The following BFAR variants were observed in gnomAD, a reference collection of about 807,000 sequenced individuals.
BFAR encodes RING finger protein 47.
BFAR carries 52 observed loss-of-function variants against 54.4 expected under a neutral mutation model. The observed-to-expected ratio is 0.96, with a 90% CI of 0.77 to 1.21. The LOEUF is 1.21. Among genes scored for constraint, BFAR ranks in the 50% most tolerant of loss-of-function variants. The probability of loss-of-function intolerance (pLI) is 0.00; values close to 1 mark genes in which losing one functional copy is unlikely to be tolerated. For synonymous variants in BFAR, 215 were observed against 204.3 expected, an observed-to-expected ratio of 1.05 and a Z score of -0.45; for missense variants, 571 against 534.0, an observed-to-expected ratio of 1.07 and a Z score of -0.68.
intron 2 of BFAR, 95 bp downstream of exon 2, chr16:14,644,704 G>A (rs1959737497): frequency 7.8e-6 from 11 of 1,406,742 alleles, no homozygotes; most frequent in East Asian, 2.3e-5. Context: ...ATGGCGTCTC[G>A]CTATGTTGCC....
At chr16:14,641,931 C>G (rs1254708590) in intron 1 of BFAR, among the ~76,000 whole-genome samples, 1 of 152,230 alleles carries the variant, frequency 6.6e-6, no homozygotes, top group Non-Finnish European at 1.5e-5. Flanking sequence ...AGGCTCTGTA[C>G]TAGGCACTTG....
chr16:14,643,485 G>A (rs1012561431), intron 1 of BFAR, among the ~76,000 whole-genome samples: 1 of 152,106 alleles, frequency 6.6e-6, no homozygotes, highest in Non-Finnish European at 1.5e-5. Context: ...TAACAAATAG[G>A]CCAGAAAGAA....
At position 14,655,223 on chromosome 16, in the gene BFAR, ATTTTT is replaced by A; in HGVS notation, c.783+27_783+31del. The A allele has an allele frequency of 8.5e-7, 1 of 1,174,668 alleles. No individual in the cohort carries two copies. 72.8% of individuals were successfully genotyped at this position (1,174,668 alleles called of 1,614,324 possible). A position where few individuals can be genotyped will look rare whatever the true frequency, so the allele number is the denominator to read the frequency against. ...CTGGGAATATAAGGTGAACACTTTA[ATTTTT>A]TTTTTTTTTTTTTACTTTTTATTTT... On this transcript the variant is annotated intron_variant, in intron 5 of 7. Transcript: ENST00000261658.
Position 14,637,079 on chromosome 16 carries a change from A to G in BFAR, c.-74+4061A>G, listed in dbSNP as rs1431443841. ...TCTCTTTCTATACAGACACAGTAACAATCTGATCTCTCTTTCTTTTCCCCC... is the reference window on the plus strand; with the variant it reads ...TCTCTTTCTATACAGACACAGTAACGATCTGATCTCTCTTTCTTTTCCCCC... On this transcript the variant is annotated intron_variant, in intron 1 of 7. Transcript: ENST00000261658. Among the ~76,000 whole-genome samples, 8 of 152,106 alleles carry G rather than the reference A, an allele frequency of 5.3e-5. No homozygotes were observed. In the East Asian group the frequency reaches 1.4e-3, roughly 26 times the overall value.
chr16:14,660,309 G>A (rs1786792248), intron 5 of BFAR, among the ~76,000 whole-genome samples: 1 of 152,054 alleles, frequency 6.6e-6, no homozygotes, highest in Non-Finnish European at 1.5e-5. Flanking sequence ...TTTTTGAGAT[G>A]GAGTTTTGCC....
At chr16:14,650,165 T>TA in intron 4 of BFAR, 192 bp downstream of exon 4, 6 of 464,012 alleles carry the variant, frequency 1.3e-5, no homozygotes, top group South Asian at 7.8e-5. Flanking sequence ...CTACTAAAAA[T>TA]ACAAAAAAAA....
At chr16:14,647,248 T>C (rs1169705711) in intron 2 of BFAR, among the ~76,000 whole-genome samples, 1 of 151,606 alleles carries the variant, frequency 6.6e-6, no homozygotes, top group African/African-American at 2.4e-5. Flanking sequence ...CCACACCCGG[T>C]TGATTTTTGT....
intron 5 of BFAR, among the ~76,000 whole-genome samples, chr16:14,659,248 T>C (rs183646745): frequency 6.7e-6 from 1 of 148,868 alleles, no homozygotes; most frequent in Non-Finnish European, 1.5e-5. Context: ...TTTTTTGTTT[T>C]TTGTTTTTTT....
At chr16:14,657,917 C>T (rs555030726) in intron 5 of BFAR, among the ~76,000 whole-genome samples, 1 of 152,216 alleles carries the variant, frequency 6.6e-6, no homozygotes, top group African/African-American at 2.4e-5. Context: ...GAAATGGAGT[C>T]TCACCATGTT....
chr16:14,662,501 A>G (rs1158092164), intron 6 of BFAR, among the ~76,000 whole-genome samples: 1 of 151,936 alleles, frequency 6.6e-6, no homozygotes, highest in Non-Finnish European at 1.5e-5. Context: ...CTGTGCAGAG[A>G]CCCTGACCTT....
In BFAR at chr16:14,667,606, C is replaced by T. The variant is rs767704808; in HGVS notation, c.1161-29C>T. On this transcript the variant is annotated intron_variant, in intron 7 of 7. Coordinates refer to ENST00000261658, the MANE Select transcript of BFAR (RefSeq NM_016561.3). The stretch of plus-strand genomic sequence containing the variant: ...TGGGTGTGGTCATGAGAAGCGCCTC[C>T]GATTCAGCCTCTTCTCTTCTTGTTT... 5.3e-5 allele frequency: 84 copies of T among 1,596,850 alleles called. No individual in the cohort carries two copies. In the Admixed American group the frequency reaches 5.3e-4, roughly 10 times the overall value.
rs1170179794 is a variant in BFAR at position 14,655,206 on chromosome 16, A to G, written c.779A>G (p.Tyr260Cys). 1.4e-6 allele frequency: 2 copies of G among 1,468,644 alleles called. No homozygotes were observed. Among genetic ancestry groups the G allele is most frequent in the South Asian group, 3.1e-5 (2 of 64,550 alleles). The allele number at this position is 1,468,644 out of a possible 1,614,324, so 91.0% of individuals were successfully genotyped here. A position where few individuals can be genotyped will look rare whatever the true frequency, so the allele number is the denominator to read the frequency against. The change falls in exon 5 of 8, where the codon TAT becomes TGT. Residue 260 changes from tyrosine to cysteine, a missense_variant. Coordinates refer to ENST00000261658, the MANE Select transcript of BFAR (RefSeq NM_016561.3). ...GVKPPQNLWE[Y>C]KAVNPGRSLF... ...AAGCCCCCCCAGAATCTCTGGGAAT[A>G]TAAGGTGAACACTTTAATTTTTTTT... is the stretch of plus-strand genomic sequence containing the variant.
intron 7 of BFAR, among the ~76,000 whole-genome samples, chr16:14,666,892 C>T (rs1200926462): frequency 2.6e-5 from 4 of 152,150 alleles, no homozygotes; most frequent in Non-Finnish European, 4.4e-5. Flanking sequence ...TGAGGCCCTA[C>T]AGCCTAGCAA....
intron 2 of BFAR, among the ~76,000 whole-genome samples, chr16:14,647,100 T>C (rs1959818903): frequency 6.6e-6 from 1 of 151,070 alleles, no homozygotes; most frequent in African/African-American, 2.4e-5. Flanking sequence ...AATACTCTTT[T>C]TTGAGACAGA....
intron 6 of BFAR, among the ~76,000 whole-genome samples, chr16:14,662,340 T>C (rs1442069770): frequency 6.6e-6 from 1 of 152,134 alleles, no homozygotes; most frequent in Non-Finnish European, 1.5e-5. Flanking sequence ...GAGATCCTTT[T>C]TTTCCCCCAA....
Position 14,667,945 on chromosome 16 carries a change from G to T in BFAR, c.*118G>T. On this transcript the variant is annotated 3_prime_UTR_variant, in exon 8 of 8. Transcript: ENST00000261658. ...TCTACCCTCAGTAAAACAAGGTGCTGCTTTGTATATCAAAAGCTCCAACCA... is the reference window on the plus strand; with the variant it reads ...TCTACCCTCAGTAAAACAAGGTGCTTCTTTGTATATCAAAAGCTCCAACCA... 3.6e-6 allele frequency: 4 copies of T among 1,105,748 alleles called. No homozygotes were observed. In the South Asian group the frequency reaches 6.1e-5, roughly 17 times the overall value. The allele number at this position is 1,105,748 out of a possible 1,614,324, so 68.5% of individuals were successfully genotyped here.
intron 5 of BFAR, among the ~76,000 whole-genome samples, chr16:14,655,692 A>G (rs1960110521): frequency 1.3e-5 from 2 of 152,062 alleles, no homozygotes; most frequent in Admixed American, 1.3e-4. Context: ...TCCTGACCTC[A>G]GCCTCCCAAA....
chr16:14,664,498 T>G (rs1305563765), intron 6 of BFAR, among the ~76,000 whole-genome samples: 1 of 151,962 alleles, frequency 6.6e-6, no homozygotes, highest in Non-Finnish European at 1.5e-5. Context: ...GAACTCACTG[T>G]GATCATCACA....
At chr16:14,656,864 AGGCCGAGGCAG>A (rs909399865) in intron 5 of BFAR, among the ~76,000 whole-genome samples, 39 of 152,108 alleles carry the variant, frequency 2.6e-4, no homozygotes, top group African/African-American at 9.2e-4. Flanking sequence ...GCACTTTGGG[AGGCCGAGGCAG>A]GCTGATCACT....
Sources: allele counts gnomAD v4.1 joint callset (sites outside exome capture counted in the v4.1 genomes callset), GRCh38; gene constraint gnomAD v4.1.1; transcripts MANE v1.5; gene names NCBI Gene and HGNC (gene_info 2026-07-23, HGNC 2026-07-21).